ATP8B4: variants seen among roughly 807,000 people sequenced by gnomAD.
The protein encoded by ATP8B4 is ATPase phospholipid transporting 8B4 (putative).
In ATP8B4, 133 loss-of-function variants were observed where a neutral mutation model predicts 145.6. That is an observed-to-expected ratio of 0.91 (90% confidence interval 0.79 to 1.05). The LOEUF (loss-of-function observed/expected upper bound fraction) is 1.05. Among genes scored for constraint, ATP8B4 ranks in the 50% least tolerant of loss-of-function variants. The probability of loss-of-function intolerance (pLI) is 0.00; values close to 1 mark genes in which losing one functional copy is unlikely to be tolerated. For missense variants in ATP8B4, 1,458 were observed against 1,425.2 expected (o/e 1.02, Z -0.37); for synonymous variants, 507 against 492.9 (o/e 1.03, Z -0.38).
intron 1 of ATP8B4, among the ~76,000 whole-genome samples, chr15:50,151,123 C>T (rs964935621): frequency 4.6e-5 from 7 of 152,150 alleles, no homozygotes; most frequent in Admixed American, 6.5e-5. Flanking sequence ...AGGAATGGAG[C>T]ATTTTCAATT....
chr15:50,058,295 G>A (rs188689126), intron 3 of ATP8B4, among the ~76,000 whole-genome samples: 1 of 152,186 alleles, frequency 6.6e-6, no homozygotes. Flanking sequence ...TTGAGTTGAG[G>A]TGGGGGCTGG....
chr15:49,994,411 A>G (rs1472117387), intron 9 of ATP8B4, among the ~76,000 whole-genome samples: 1 of 151,990 alleles, frequency 6.6e-6, no homozygotes, highest in African/African-American at 2.4e-5. Flanking sequence ...TCGGCCCCCC[A>G]ATGGGATTTG....
intron 14 of ATP8B4, among the ~76,000 whole-genome samples, chr15:49,956,290 T>A (rs2043553967): frequency 6.6e-6 from 1 of 152,218 alleles, no homozygotes; most frequent in South Asian, 2.1e-4. Context: ...GACACTCAGT[T>A]ACTTATGTTG....
chr15:49,891,320 G>GTTTGTTTGTTGTT (rs2036768058), intron 23 of ATP8B4, among the ~76,000 whole-genome samples: 1 of 151,178 alleles, frequency 6.6e-6, no homozygotes, highest in Non-Finnish European at 1.5e-5. Flanking sequence ...ATACAAGTTT[G>GTTTGTTTGTTGTT]TTTGTTTGTT....
intron 14 of ATP8B4, among the ~76,000 whole-genome samples, chr15:49,954,245 A>G (rs1470467729): frequency 1.3e-5 from 2 of 152,094 alleles, no homozygotes; most frequent in Non-Finnish European, 1.5e-5. Flanking sequence ...ATTCTCCTTA[A>G]TAAACTCCCC....
At chr15:49,918,612 G>T (rs150918233) in intron 19 of ATP8B4, among the ~76,000 whole-genome samples, 1 of 152,172 alleles carries the variant, frequency 6.6e-6, no homozygotes, top group African/African-American at 2.4e-5. Context: ...CAATTGGACC[G>T]AAACTTAACT....
chr15:50,049,640 G>A (rs969254419), intron 3 of ATP8B4, among the ~76,000 whole-genome samples: 1 of 152,138 alleles, frequency 6.6e-6, no homozygotes, highest in East Asian at 1.9e-4. Context: ...ATGGTAGAAC[G>A]ATTTATTTTC....
chr15:49,937,008 C>T (rs897961165), intron 14 of ATP8B4, among the ~76,000 whole-genome samples: 2 of 151,828 alleles, frequency 1.3e-5, no homozygotes, highest in African/African-American at 2.4e-5. Context: ...GATGTTATAA[C>T]TTCCCAAATC....
chr15:49,991,824 G>C (rs997652389), intron 9 of ATP8B4, among the ~76,000 whole-genome samples: 3 of 152,136 alleles, frequency 2.0e-5, no homozygotes, highest in Non-Finnish European at 4.4e-5. Flanking sequence ...TTAAAAATAT[G>C]ATGACCTCAT....
At chr15:49,911,253 G>C (rs1319210832) in intron 20 of ATP8B4, among the ~76,000 whole-genome samples, 1 of 151,864 alleles carries the variant, frequency 6.6e-6, no homozygotes, top group Non-Finnish European at 1.5e-5. Flanking sequence ...ATAAAAATGT[G>C]ATCTATATGC....
intron 13 of ATP8B4, among the ~76,000 whole-genome samples, chr15:49,964,672 T>A (rs1167037561): frequency 6.6e-6 from 1 of 152,222 alleles, no homozygotes; most frequent in Non-Finnish European, 1.5e-5. Flanking sequence ...AACCTTTAAG[T>A]TACTTTCCTG....
chr15:49,933,942 C>A lies in ATP8B4; in HGVS notation c.1453+75G>T. 5.0e-6 allele frequency: 7 copies of A among 1,391,658 alleles called. No homozygotes were observed. The South Asian group carries it at 5.3e-5, about 11-fold the overall frequency. 86.2% of individuals were successfully genotyped at this position (1,391,658 alleles called of 1,614,324 possible). A position where few individuals can be genotyped will look rare whatever the true frequency, so the allele number is the denominator to read the frequency against. On this transcript the variant is annotated intron_variant, in intron 15 of 27. Coordinates refer to ENST00000284509, the MANE Select transcript of ATP8B4 (RefSeq NM_024837.4). The stretch of plus-strand genomic sequence containing the variant: ...TGCTCAAATGCTTAATTTGTAAATC[C>A]TTCAAATTTAGTGTCAGTTTCAATT...
In ATP8B4 at chr15:49,987,357, T is replaced by C. The variant is rs1567148672; in HGVS notation, c.748+34A>G. 5.0e-6 allele frequency: 8 copies of C among 1,604,438 alleles called. No individual in the cohort carries two copies. In the Admixed American group the frequency reaches 6.7e-5, roughly 13 times the overall value. ...TGCTGGTGTACGTTGCAGGAAAGGTTCCCACAGAGCTGGCCTTGGGTCACA... is the reference window on the plus strand; with the variant it reads ...TGCTGGTGTACGTTGCAGGAAAGGTCCCCACAGAGCTGGCCTTGGGTCACA... On this transcript the variant is annotated intron_variant, in intron 10 of 27. Coordinates refer to ENST00000284509, the MANE Select transcript of ATP8B4 (RefSeq NM_024837.4).
intron 1 of ATP8B4, among the ~76,000 whole-genome samples, chr15:50,130,279 C>T (rs547764547): frequency 1.3e-5 from 2 of 152,256 alleles, no homozygotes; most frequent in South Asian, 2.1e-4. Context: ...ATGGCACTTG[C>T]CTTGCTATAA....
At chr15:50,107,040 G>A in intron 1 of ATP8B4, 32 bp from the exon 2 acceptor site, 1 of 1,377,940 alleles carries the variant, frequency 7.3e-7, no homozygotes, top group South Asian at 1.5e-5. Flanking sequence ...ATTAGTATCT[G>A]AAAAATGCAC....
Position 49,996,713 on chromosome 15 carries a change from G to T in ATP8B4, c.553C>A (p.Leu185Ile). Reference sequence around the variant, plus strand: ...GCAAGTCTGCTGATATCTGCTCCAAGTTCTGAAGTAACTGATAGTGCATGG... The same window carrying T: ...GCAAGTCTGCTGATATCTGCTCCAATTTCTGAAGTAACTGATAGTGCATGG... ...VRHALSVTSELGADISRLAGF... is the reference protein window; with the variant it reads ...VRHALSVTSEIGADISRLAGF... Residue 185 changes from leucine (L) to isoleucine (I), a missense_variant, in exon 9 of 28, where the codon CTT (leucine) becomes ATT (isoleucine). Physicochemically the swap from Leu to Ile is conservative, Grantham distance 5. Coordinates refer to ENST00000284509, the MANE Select transcript of ATP8B4 (RefSeq NM_024837.4). The T allele has an allele frequency of 6.2e-7, 1 of 1,610,848 alleles. No homozygotes were observed. Among genetic ancestry groups the T allele is most frequent in the Non-Finnish European group, 8.5e-7 (1 of 1,177,802 alleles).
At chr15:49,901,673 T>C (rs2038049370) in intron 20 of ATP8B4, 1 of 303,580 alleles carries the variant, frequency 3.3e-6, no homozygotes, top group Non-Finnish European at 6.4e-6. Flanking sequence ...CATCTATATA[T>C]AAAATAAATT....
Position 49,860,426 on chromosome 15 carries a change from C to G in ATP8B4, c.3347G>C (p.Arg1116Pro). The G allele has an allele frequency of 6.2e-7, 1 of 1,613,886 alleles. No individual in the cohort carries two copies. Among genetic ancestry groups the G allele is most frequent in the Non-Finnish European group, 8.5e-7 (1 of 1,179,934 alleles). ...AQKKARPPSS[R>P]RPRTRRSSSR... The stretch of plus-strand genomic sequence containing the variant: ...GCTTGACCTGCGGGTCCGAGGCCTT[C>G]GGCTACTTGGAGGCCTTGCCTTCTT... Residue 1116 changes from arginine to proline, a missense_variant, in exon 28 of 28, where the codon CGA becomes CCA. Arg to Pro is a moderately radical substitution (Grantham distance 103, BLOSUM62 -2). Coordinates refer to ENST00000284509, the MANE Select transcript of ATP8B4 (RefSeq NM_024837.4).
At chr15:50,081,974 C>T (rs895685766) in intron 2 of ATP8B4, among the ~76,000 whole-genome samples, 1 of 152,160 alleles carries the variant, frequency 6.6e-6, no homozygotes, top group Admixed American at 6.5e-5. Flanking sequence ...GGTACTGATC[C>T]AAAAGCTGAA....
Sources: gnomAD v4.1 joint callset for allele counts (sites outside exome capture counted in the v4.1 genomes callset) on GRCh38, gnomAD v4.1.1 for gene constraint, MANE v1.5 for transcripts, NCBI Gene and HGNC (gene_info 2026-07-23, HGNC 2026-07-21) for gene names.